Variants in RPL30 observed in about 807,000 individuals in gnomAD.
RPL30 encodes the protein ribosomal protein L30.
For missense variants in RPL30, 60 were observed against 138.0 expected (o/e 0.43, Z 2.83); for synonymous variants, 40 against 50.4 (o/e 0.79, Z 0.87).
At chr8:98,044,657 A>G (rs939724032) in intron 3 of RPL30, 12 of 366,174 alleles carry the variant, frequency 3.3e-5, no homozygotes, top group Non-Finnish European at 5.4e-5. Flanking sequence ...CACAAAATAC[A>G]TGGAAAAAAC....
chr8:98,043,434 T>C (rs1390670137), intron 3 of RPL30: 2 of 149,992 alleles, frequency 1.3e-5, no homozygotes, highest in East Asian at 1.9e-4. Context: ...CCCTATTCTT[T>C]TTTTTTTTTT....
At chr8:98,042,256 TGATG>T in intron 4 of RPL30, 5 of 514,080 alleles carry the variant, frequency 9.7e-6, no homozygotes, top group South Asian at 7.7e-5. Flanking sequence ...GAAAACAGAA[TGATG>T]TAGATTTTTT....
In RPL30 at chr8:98,045,018, T is replaced by C; in HGVS notation, c.92A>G (p.Tyr31Cys). The C allele has an allele frequency of 1.2e-6, 2 of 1,614,218 alleles. No individual in the cohort carries two copies. The highest frequency in any genetic ancestry group is 8.5e-7 in the Non-Finnish European group (1 of 1,180,012). ...TCTGATCATCTTCAGAGTCTGCTTG[T>C]ACCCCAGGACGTACTTCCCACTTTT... ...VMKSGKYVLG[Y>C]KQTLKMIRQG... The change falls in exon 3 of 5, where the codon TAC becomes TGC. Residue 31 changes from tyrosine (Y) to cysteine (C), a missense_variant. Physicochemically the swap from Tyr to Cys is radical, Grantham distance 194 (BLOSUM62 -2). Transcript: ENST00000287038.
At chr8:98,043,608 A>G (rs1814422115) in intron 3 of RPL30, 1 of 151,564 alleles carries the variant, frequency 6.6e-6, no homozygotes, top group South Asian at 2.1e-4. Context: ...GTGTAATCCC[A>G]GCACTTTGGG....
At chr8:98,044,840 C>T in intron 3 of RPL30, 103 bp downstream of exon 3, 1 of 1,261,840 alleles carries the variant, frequency 7.9e-7, no homozygotes. Context: ...AATTATCCTG[C>T]AAGTGTTCGA....
chr8:98,041,975 T>C (rs1201832271), intron 4 of RPL30, 125 bp from the exon 5 acceptor site: 1 of 752,594 alleles, frequency 1.3e-6, no homozygotes, highest in East Asian at 2.5e-5. Flanking sequence ...CACTGACTTT[T>C]TGCAAAAGTT....
chr8:98,045,066 T>A lies in RPL30; in HGVS notation c.44A>T (p.Asn15Ile). 2 of 1,614,004 alleles carry A rather than the reference T, an allele frequency of 1.2e-6. No individual in the cohort carries two copies. Among genetic ancestry groups the A allele is most frequent in the Non-Finnish European group, 1.7e-6 (2 of 1,179,982 alleles). ...TTTCATAACGAGTTGGAGCCTAGAG[T>A]TGATCGACTCCAGCGACTTTTTCTA... is the stretch of plus-strand genomic sequence containing the variant. ...KKTKKSLESI[N>I]SRLQLVMKSG... The change falls in exon 3 of 5, where the codon AAC (asparagine) becomes ATC (isoleucine). Residue 15 changes from asparagine to isoleucine, a missense_variant. Asn to Ile is a moderately radical substitution (Grantham distance 149). Coordinates refer to ENST00000287038, the MANE Select transcript of RPL30 (RefSeq NM_000989.4).
intron 2 of RPL30, 45 bp downstream of exon 2, chr8:98,045,302 T>G: frequency 3.7e-6 from 6 of 1,613,708 alleles, no homozygotes; most frequent in Non-Finnish European, 5.1e-6. Context: ...GGCCAAGACA[T>G]CTCTCCACGT....
At position 98,041,782 on chromosome 8, in the gene RPL30, A is replaced by G; in HGVS notation, c.*19T>C. 6.3e-7 allele frequency: 1 copy of G among 1,578,362 alleles called. No individual in the cohort carries two copies. The highest frequency in any genetic ancestry group is 8.6e-7 in the Non-Finnish European group (1 of 1,158,570). On this transcript the variant is annotated 3_prime_UTR_variant, in exon 5 of 5. Coordinates refer to ENST00000287038, the MANE Select transcript of RPL30 (RefSeq NM_000989.4). ...TGCAGGTTTAAGGTTTGCAGGTGAA[A>G]TTTTGTAGGTGAAAAGGTTTACTTT...
intron 2 of RPL30, 77 bp downstream of exon 2, chr8:98,045,270 T>G (rs1483678249): frequency 1.8e-5 from 29 of 1,597,790 alleles, no homozygotes; most frequent in Non-Finnish European, 2.3e-5. Flanking sequence ...GTCACCCCCG[T>G]GGGCTCACAT....
intron 1 of RPL30, 26 bp downstream of exon 1, chr8:98,045,482 A>G: frequency 7.7e-7 from 1 of 1,305,550 alleles, no homozygotes; most frequent in Non-Finnish European, 1.1e-6. Context: ...CGCTGCCTAA[A>G]CCTCGGTCGG....
intron 3 of RPL30, 89 bp downstream of exon 3, chr8:98,044,854 C>T: frequency 7.3e-7 from 1 of 1,377,286 alleles, no homozygotes; most frequent in East Asian, 2.3e-5. Flanking sequence ...TGTTCGAGTT[C>T]ATGGTACTCA....
At chr8:98,042,213 C>T (rs763482821) in intron 4 of RPL30, 15 of 546,100 alleles carry the variant, frequency 2.7e-5, no homozygotes, top group African/African-American at 5.6e-5. Flanking sequence ...CGAGAATATT[C>T]GCAGTATTCT....
In RPL30 at chr8:98,044,982, G is replaced by C; in HGVS notation, c.128C>G (p.Ala43Gly). The change falls in exon 3 of 5, where the codon GCG becomes GGG. Residue 43 changes from alanine (A) to glycine (G), a missense_variant. Coordinates refer to ENST00000287038, the MANE Select transcript of RPL30 (RefSeq NM_000989.4). ...QTLKMIRQGK[A>G]KLVILANNCP... ...GTTGTTAGCGAGAATGACCAATTTC[G>C]CTTTGCCTTGTCTGATCATCTTCAG... The C allele has an allele frequency of 6.2e-6, 10 of 1,613,988 alleles. No individual in the cohort carries two copies. Among genetic ancestry groups the C allele is most frequent in the Non-Finnish European group, 6.8e-6 (8 of 1,180,026 alleles).
chr8:98,044,247 A>G (rs1175407626), intron 3 of RPL30: 2 of 152,312 alleles, frequency 1.3e-5, no homozygotes, highest in Non-Finnish European at 2.9e-5. Context: ...GACAGGCTTT[A>G]AAGAAAGTTT....
intron 3 of RPL30, chr8:98,044,117 A>T (rs1319962707): frequency 1.3e-5 from 2 of 152,362 alleles, no homozygotes; most frequent in Non-Finnish European, 2.9e-5. Flanking sequence ...TCTTAAAAAA[A>T]ATAAAATAAT....
At chr8:98,042,620 A>AG in intron 4 of RPL30, 25 bp downstream of exon 4, 1 of 1,589,856 alleles carries the variant, frequency 6.3e-7, no homozygotes. Context: ...AAAAAAAAAA[A>AG]GACTTTATGA....
intron 3 of RPL30, 53 bp downstream of exon 3, chr8:98,044,890 T>C: frequency 6.3e-7 from 1 of 1,579,504 alleles, no homozygotes; most frequent in Non-Finnish European, 8.6e-7. Context: ...CTCCTGTATA[T>C]TCGTTCACGA....
intron 4 of RPL30, chr8:98,042,279 T>C: frequency 8.0e-6 from 4 of 498,652 alleles, no homozygotes; most frequent in South Asian, 4.7e-5. Context: ...TTGGCACTTT[T>C]TTTTTTCTCA....
Sources: allele counts gnomAD v4.1 joint callset, GRCh38; gene constraint gnomAD v4.1.1; transcripts MANE v1.5; gene names NCBI Gene and HGNC (gene_info 2026-07-23, HGNC 2026-07-21).